The following DLGAP1 variants were observed in gnomAD, a reference collection of about 807,000 sequenced individuals.
DLGAP1 encodes the protein DLG associated protein 1.
Under a neutral mutation model 90.8 loss-of-function variants are expected in DLGAP1, and 11 were observed. The ratio of observed to expected loss-of-function variants is 0.12; its 90% CI spans 0.08 to 0.20. The LOEUF (loss-of-function observed/expected upper bound fraction) is 0.20. Among genes scored for constraint, DLGAP1 ranks in the 10% least tolerant of loss-of-function variants. The pLI, the probability that DLGAP1 is intolerant of heterozygous loss-of-function variation, is 1.00. For synonymous variants in DLGAP1, 558 were observed against 540.7 expected (o/e 1.03, Z -0.44); for missense variants, 1,050 against 1,333.8 (o/e 0.79, Z 3.31).
At chr18:3,523,561 G>A (rs1388358863) in intron 10 of DLGAP1, among the ~76,000 whole-genome samples, 2 of 151,690 alleles carry the variant, frequency 1.3e-5, no homozygotes. Context: ...AATGGGCAAA[G>A]GTCCGACCAG....
At chr18:3,792,565 C>T (rs1047582734) in intron 5 of DLGAP1, among the ~76,000 whole-genome samples, 1 of 152,280 alleles carries the variant, frequency 6.6e-6, no homozygotes, top group East Asian at 1.9e-4. Context: ...TCTCTCAACC[C>T]CTTCTGCATG....
chr18:4,098,942 C>T (rs1444717030), intron 2 of DLGAP1, among the ~76,000 whole-genome samples: 1 of 152,150 alleles, frequency 6.6e-6, no homozygotes, highest in East Asian at 1.9e-4. Flanking sequence ...TCCTAGTACC[C>T]TTACAAGCAC....
intron 3 of DLGAP1, among the ~76,000 whole-genome samples, chr18:3,968,624 T>C (rs558125581): frequency 6.6e-6 from 1 of 152,216 alleles, no homozygotes; most frequent in Non-Finnish European, 1.5e-5. Flanking sequence ...GATGAAGTTT[T>C]AGAGAGAACA....
chr18:3,927,873 G>A (rs570398755), intron 3 of DLGAP1, among the ~76,000 whole-genome samples: 7 of 152,212 alleles, frequency 4.6e-5, no homozygotes, highest in Non-Finnish European at 1.0e-4. Flanking sequence ...TAAAAATGTC[G>A]AGTGATTTAG....
At chr18:3,926,127 T>C (rs371361321) in intron 3 of DLGAP1, among the ~76,000 whole-genome samples, 17 of 152,320 alleles carry the variant, frequency 1.1e-4, no homozygotes, top group South Asian at 4.1e-4. Context: ...GTGAACAGTG[T>C]GGTGTCAGAT....
chr18:4,428,148 A>T (rs1462159974), intron 1 of DLGAP1, among the ~76,000 whole-genome samples: 3 of 152,182 alleles, frequency 2.0e-5, no homozygotes, highest in African/African-American at 7.2e-5. Flanking sequence ...CTCATGTCAA[A>T]TTGTAATCTC....
chr18:4,333,984 A>G, intron 1 of DLGAP1, among the ~76,000 whole-genome samples: 1 of 151,448 alleles, frequency 6.6e-6, no homozygotes, highest in East Asian at 2.0e-4. Flanking sequence ...CACGCCTGTA[A>G]TCCCAGCACT....
rs371689336 is a variant in DLGAP1, at chr18:4,197,233, C to T, written c.-266-45946G>A. Among the ~76,000 whole-genome samples, 10 of 142,366 alleles carry T rather than the reference C, an allele frequency of 7.0e-5. No individual in the cohort carries two copies. The East Asian group carries it at 8.6e-4, about 12-fold the overall frequency. 93.4% of individuals were successfully genotyped at this position (142,366 alleles called of 152,430 possible). On this transcript the variant is annotated intron_variant, in intron 1 of 12. Coordinates refer to ENST00000315677, the MANE Select transcript of DLGAP1 (RefSeq NM_004746.4). ...AGAAAAAAAAAGAAAGAGGCAGCAA[C>T]CCTTCCAGAGAAAGGCTTCCCAAAT...
chr18:3,520,226 G>C (rs993745476), intron 10 of DLGAP1, among the ~76,000 whole-genome samples: 1 of 151,886 alleles, frequency 6.6e-6, no homozygotes, highest in African/African-American at 2.4e-5. Context: ...TCCTTGGTCT[G>C]ATTCTCTCCC....
rs781210541 is a variant in DLGAP1 at position 3,879,573 on chromosome 18, C to G, written c.496G>C (p.Gly166Arg). 4.4e-6 allele frequency: 7 copies of G among 1,599,408 alleles called. No homozygotes were observed. In the Admixed American group the frequency reaches 1.2e-4, roughly 27 times the overall value. ...TGCGCCTCGTCAGGGCTGGCCTTGC[C>G]CCCGTTGACGCTGCCCTTGGACGGC... Reference protein sequence around the residue: ...EGPSKGSVNGGKASPDEAQAA... With the variant: ...EGPSKGSVNGRKASPDEAQAA... Residue 166 changes from glycine to arginine, a missense_variant, in exon 4 of 13, where the codon GGC (glycine) becomes CGC (arginine). Physicochemically the swap from Gly to Arg is moderately radical, Grantham distance 125. Around this residue, in one of 2 missense-constraint regions of DLGAP1, gnomAD observed 485 missense variants for 454.1 expected, o/e 1.07. Transcript: ENST00000315677. This position sits in a 1 kb window ranked among gnomAD's most constrained non-coding sequence, Gnocchi z 6.6.
At chr18:4,311,136 T>A (rs2080388176) in intron 1 of DLGAP1, among the ~76,000 whole-genome samples, 1 of 152,212 alleles carries the variant, frequency 6.6e-6, no homozygotes, top group South Asian at 2.1e-4. Context: ...CAAAGTCCAA[T>A]TCCAACACCT....
chr18:4,324,803 A>G (rs117162413), intron 1 of DLGAP1, among the ~76,000 whole-genome samples: 18,018 of 118,382 alleles, frequency 0.15, 1,157 homozygotes, highest in East Asian at 0.22. Flanking sequence ...AAGCCTTTTG[A>G]TAAAATTCAA....
chr18:4,394,434 C>T (rs1023138281), intron 1 of DLGAP1, among the ~76,000 whole-genome samples: 5 of 152,146 alleles, frequency 3.3e-5, no homozygotes, highest in African/African-American at 1.2e-4. Flanking sequence ...TTACTTCAAA[C>T]TAAGTAATTG....
intron 7 of DLGAP1, among the ~76,000 whole-genome samples, chr18:3,638,028 G>A (rs1403964736): frequency 1.4e-5 from 2 of 144,886 alleles, no homozygotes; most frequent in African/African-American, 2.6e-5. Context: ...CTCACTGCAA[G>A]CTCCGCCTCC....
At chr18:4,365,437 G>T (rs1203128640) in intron 1 of DLGAP1, among the ~76,000 whole-genome samples, 1 of 152,042 alleles carries the variant, frequency 6.6e-6, no homozygotes, top group Admixed American at 6.6e-5. Context: ...ACAGGCTAAA[G>T]GAATCCTTTT....
intron 1 of DLGAP1, among the ~76,000 whole-genome samples, chr18:4,404,231 GAT>G (rs1199690761): frequency 1.3e-5 from 2 of 152,114 alleles, no homozygotes; most frequent in Non-Finnish European, 2.9e-5. Flanking sequence ...AACTCTTTAG[GAT>G]ATTAATTAAT....
At chr18:3,618,546 A>G (rs1479846930) in intron 7 of DLGAP1, among the ~76,000 whole-genome samples, 2 of 148,474 alleles carry the variant, frequency 1.3e-5, no homozygotes, top group Non-Finnish European at 3.0e-5. Context: ...TGCTAGCCAT[A>G]AATGTTGCTA....
intron 9 of DLGAP1, among the ~76,000 whole-genome samples, chr18:3,559,388 A>G (rs2053940392): frequency 2.0e-5 from 3 of 152,164 alleles, no homozygotes; most frequent in Admixed American, 6.6e-5. Flanking sequence ...CTGATTATCT[A>G]GTTGGATTAA....
chr18:3,580,268 G>C, intron 8 of DLGAP1: 4 of 1,604,648 alleles, frequency 2.5e-6, no homozygotes, highest in Non-Finnish European at 3.4e-6. Context: ...AGTGGGGGAC[G>C]CTCCAGGCAC....
Sources: gnomAD v4.1 joint callset for allele counts (sites outside exome capture counted in the v4.1 genomes callset) on GRCh38, gnomAD v4.1.1 for gene constraint, gnomAD v4.1.1 regional missense constraint, Gnocchi (gnomAD v3.1) non-coding constraint, MANE v1.5 for transcripts, NCBI Gene and HGNC (gene_info 2026-07-23, HGNC 2026-07-21) for gene names.